The following PPP6R2 variants were observed in gnomAD, a reference collection of about 807,000 sequenced individuals.
PPP6R2 encodes the protein serine/threonine-protein phosphatase 6 regulatory subunit 2.
PPP6R2 carries 62 observed loss-of-function variants against 100.2 expected under a neutral mutation model. The observed-to-expected ratio is 0.62, with a 90% CI of 0.50 to 0.76. The LOEUF is 0.76. PPP6R2 is among the 30% of genes least tolerant of loss of function. The pLI, the probability that PPP6R2 is intolerant of heterozygous loss-of-function variation, is 0.00. For missense variants in PPP6R2, 1,142 were observed against 1,276.3 expected, an observed-to-expected ratio of 0.89 and a Z score of 1.60; for synonymous variants, 525 against 514.7, an observed-to-expected ratio of 1.02 and a Z score of -0.27.
At chr22:50,364,537 A>G (rs1365732926) in intron 1 of PPP6R2, among the ~76,000 whole-genome samples, 1 of 152,198 alleles carries the variant, frequency 6.6e-6, no homozygotes, top group African/African-American at 2.4e-5. Context: ...AAAAAATTTC[A>G]TAATTAAAAA....
At chr22:50,335,678 A>ATTTTTTTT in the PPP6R2 span, among the ~76,000 whole-genome samples, 16 of 128,968 alleles carry the variant, frequency 1.2e-4, no homozygotes, top group African/African-American at 5.0e-4. Flanking sequence ...CACCCAACTA[A>ATTTTTTTT]TTTTTTTTTT....
At chr22:50,365,061 A>G (rs1335948703) in intron 1 of PPP6R2, among the ~76,000 whole-genome samples, 1 of 148,832 alleles carries the variant, frequency 6.7e-6, no homozygotes, top group Non-Finnish European at 1.5e-5. Flanking sequence ...TCTTGAACAT[A>G]TGAGATACTT....
chr22:50,437,665 G>A, intron 16 of PPP6R2, 62 bp downstream of exon 16: 6 of 1,448,888 alleles, frequency 4.1e-6, no homozygotes, highest in Non-Finnish European at 5.8e-6. Flanking sequence ...GAGCTCCCGT[G>A]GAGGCAGCTC....
upstream of PPP6R2, among the ~76,000 whole-genome samples, chr22:50,339,370 CTT>C (rs2042342690): frequency 2.9e-5 from 1 of 34,624 alleles, no homozygotes; most frequent in African/African-American, 1.2e-4. Context: ...GTGTGTGTGG[CTT>C]GCGTGTGGTA....
chr22:50,360,285 T>C (rs2047519185), intron 1 of PPP6R2, among the ~76,000 whole-genome samples: 1 of 151,844 alleles, frequency 6.6e-6, no homozygotes, highest in African/African-American at 2.4e-5. Context: ...TCTCTTGACC[T>C]CATGATCTGC....
intron 3 of PPP6R2, 115 bp downstream of exon 3, chr22:50,394,250 A>T (rs1429442374): frequency 6.8e-7 from 1 of 1,471,366 alleles, no homozygotes; most frequent in Non-Finnish European, 9.1e-7. Flanking sequence ...GAGCCGTAAA[A>T]ATCCACCCCA....
intron 2 of PPP6R2, among the ~76,000 whole-genome samples, chr22:50,378,220 AT>A (rs2148630033): frequency 1.3e-5 from 2 of 152,268 alleles, no homozygotes; most frequent in East Asian, 3.9e-4. Context: ...GTGGAGTAAT[AT>A]TTTCATTGTG....
rs57634612 is a variant in PPP6R2, at chr22:50,414,331, G to GCCCCCCCCCCC, written c.415-212_415-202dup. ...GAGCCACAGGGGTCCCTGTGCAGTG[G>GCCCCCCCCCCC]CCCCCCCCCCCCCCCCCCCGCCCAG... is the stretch of plus-strand genomic sequence containing the variant. On this transcript the variant is annotated intron_variant, in intron 4 of 23. Transcript: ENST00000612753. Among the ~76,000 whole-genome samples, 69 of 26,786 alleles carry GCCCCCCCCCCC rather than the reference G, an allele frequency of 2.6e-3. 1 individual carries two copies. The highest frequency in any genetic ancestry group is 4.3e-3 in the Non-Finnish European group (39 of 9,022). The allele number at this position is 26,786 out of a possible 152,430, so 17.6% of individuals were successfully genotyped here.
intron 2 of PPP6R2, among the ~76,000 whole-genome samples, chr22:50,373,961 T>C (rs756645877): frequency 6.6e-6 from 1 of 152,090 alleles, no homozygotes; most frequent in Non-Finnish European, 1.5e-5. Context: ...CTTGAATTCC[T>C]GACCTCAAGC....
intron 10 of PPP6R2, among the ~76,000 whole-genome samples, chr22:50,430,873 C>CAAAAAAA (rs375308909): frequency 1.2e-5 from 1 of 85,684 alleles, no homozygotes; most frequent in Admixed American, 1.2e-4. Context: ...GACTCCGTCT[C>CAAAAAAA]AAAAAAAAAA....
chr22:50,403,060 A>G (rs1272288843), intron 3 of PPP6R2, among the ~76,000 whole-genome samples: 1 of 152,154 alleles, frequency 6.6e-6, no homozygotes, highest in Non-Finnish European at 1.5e-5. Context: ...CAAAAATACA[A>G]AAGTTAGCCG....
At chr22:50,353,817 CTTTTTT>C (rs111868603) in intron 1 of PPP6R2, among the ~76,000 whole-genome samples, 1 of 137,378 alleles carries the variant, frequency 7.3e-6, no homozygotes, top group African/African-American at 2.7e-5. Flanking sequence ...AAGCCTCTCC[CTTTTTT>C]TTTTTTTTTG....
intron 1 of PPP6R2, among the ~76,000 whole-genome samples, chr22:50,355,607 G>A (rs1004898790): frequency 1.3e-5 from 2 of 148,856 alleles, no homozygotes; most frequent in Admixed American, 6.8e-5. Flanking sequence ...TGCAAGCTCC[G>A]CCTCCTGGAT....
intron 2 of PPP6R2, among the ~76,000 whole-genome samples, chr22:50,385,086 T>G (rs1318406346): frequency 6.6e-6 from 1 of 152,156 alleles, no homozygotes; most frequent in African/African-American, 2.4e-5. Flanking sequence ...ACTCCCATGA[T>G]AACTCATTAA....
At chr22:50,441,074 G>A in intron 22 of PPP6R2, 48 bp downstream of exon 22, 1 of 1,430,048 alleles carries the variant, frequency 7.0e-7, no homozygotes, top group South Asian at 1.3e-5. Context: ...ATAGGGCGTG[G>A]CTTCCAGGCT....
upstream of PPP6R2, among the ~76,000 whole-genome samples, chr22:50,340,974 G>C (rs1388800883): frequency 7.2e-5 from 11 of 152,178 alleles, 1 homozygote; most frequent in South Asian, 1.9e-3. Flanking sequence ...GCAGTGACGT[G>C]ATCTTGGCTC....
intron 2 of PPP6R2, among the ~76,000 whole-genome samples, chr22:50,381,081 T>C (rs1356181048): frequency 4.4e-5 from 6 of 136,662 alleles, no homozygotes; most frequent in Admixed American, 2.3e-4. Context: ...GCCATTGCAC[T>C]CCAGCCTGGG....
chr22:50,391,428 G>C (rs1455291118), intron 2 of PPP6R2, among the ~76,000 whole-genome samples: 1 of 46,258 alleles, frequency 2.2e-5, no homozygotes, highest in Non-Finnish European at 3.4e-5. Context: ...GTGAGACTCC[G>C]TCTCAAAAAA....
intron 3 of PPP6R2, among the ~76,000 whole-genome samples, chr22:50,405,927 G>A (rs2058839131): frequency 6.9e-6 from 1 of 145,958 alleles, no homozygotes; most frequent in Admixed American, 6.7e-5. Flanking sequence ...GGCCTGGAGA[G>A]AGGTGAGAGG....
Sources: allele counts gnomAD v4.1 joint callset (sites outside exome capture counted in the v4.1 genomes callset), GRCh38; gene constraint gnomAD v4.1.1; transcripts MANE v1.5; gene names NCBI Gene and HGNC (gene_info 2026-07-23, HGNC 2026-07-21).